The following PCDHGA6 variants were observed in gnomAD, a reference collection of about 807,000 sequenced individuals.
The protein encoded by PCDHGA6 is protocadherin gamma-A6.
PCDHGA6 carries 41 observed loss-of-function variants against 60.6 expected under a neutral mutation model. The observed-to-expected ratio is 0.68, with a 90% CI of 0.53 to 0.88. The LOEUF (loss-of-function observed/expected upper bound fraction) is 0.88. Ranked by LOEUF, PCDHGA6 falls within the 40% of genes least tolerant of loss-of-function variation. PCDHGA6 has a pLI of 0.00. For synonymous variants in PCDHGA6, 594 were observed against 524.4 expected, an observed-to-expected ratio of 1.13 and a Z score of -1.81; for missense variants, 1,312 against 1,203.0, an observed-to-expected ratio of 1.09 and a Z score of -1.34.
chr5:141,400,621 A>G (rs1361532935), intron 1 of PCDHGA6: 1 of 1,521,426 alleles, frequency 6.6e-7, no homozygotes, highest in Non-Finnish European at 9.0e-7. Flanking sequence ...GAGTTGTCTT[A>G]GGGAAGTCAG....
At chr5:141,509,872 G>A (rs968745661) in intron 3 of PCDHGA6, among the ~76,000 whole-genome samples, 1 of 152,166 alleles carries the variant, frequency 6.6e-6, no homozygotes, top group Non-Finnish European at 1.5e-5. Context: ...CCAAGCTGCT[G>A]GTGGTGATGG....
intron 1 of PCDHGA6, chr5:141,421,282 A>G (rs762064258): frequency 7.4e-6 from 12 of 1,613,034 alleles, no homozygotes; most frequent in Non-Finnish European, 1.0e-5. Context: ...GCTGCTGTGC[A>G]TTTTCCTGGG....
intron 1 of PCDHGA6, chr5:141,393,430 C>A: frequency 6.2e-7 from 1 of 1,614,040 alleles, no homozygotes. Flanking sequence ...GAGGAAGAGG[C>A]TGCTCACCAC....
In PCDHGA6 at chr5:141,485,935, C is replaced by T. The variant is rs2099621642; in HGVS notation, c.2425-8872C>T. The T allele has an allele frequency of 6.2e-7, 1 of 1,614,026 alleles. No homozygotes were observed. Among genetic ancestry groups the T allele is most frequent in the Non-Finnish European group, 8.5e-7 (1 of 1,180,038 alleles). On this transcript the variant is annotated intron_variant, in intron 1 of 3. Coordinates refer to ENST00000517434, the MANE Select transcript of PCDHGA6 (RefSeq NM_018919.3). The surrounding 1 kb of genome is among the most constrained non-coding windows in gnomAD (Gnocchi z 5.7). Reference sequence around the variant, plus strand: ...GCTACAGGATTAGTGTGTTGGAGAGCGCACCAGCGGGCATGGTGCTCATCC... The same window carrying T: ...GCTACAGGATTAGTGTGTTGGAGAGTGCACCAGCGGGCATGGTGCTCATCC...
chr5:141,424,294 C>G (rs1260250688), intron 1 of PCDHGA6: 1 of 152,470 alleles, frequency 6.6e-6, no homozygotes, highest in Non-Finnish European at 1.5e-5. Context: ...ATTTCTTCAT[C>G]CTATCAACAC....
Position 141,467,771 on chromosome 5 carries a change from A to G in PCDHGA6, c.2425-27036A>G, listed in dbSNP as rs542500016. Among the ~76,000 whole-genome samples, 11 of 151,422 alleles carry G rather than the reference A, an allele frequency of 7.3e-5. No individual in the cohort carries two copies. The South Asian group carries it at 2.3e-3, about 32-fold the overall frequency. On this transcript the variant is annotated intron_variant, in intron 1 of 3. Transcript: ENST00000517434. Reference sequence around the variant, plus strand: ...CCGCCTCACATGCTCAAGTGCCCGCACCTCAGCCTCTCAAGTAGCTGGGAC... The same window carrying G: ...CCGCCTCACATGCTCAAGTGCCCGCGCCTCAGCCTCTCAAGTAGCTGGGAC...
chr5:141,435,026 C>A (rs977017371), intron 1 of PCDHGA6, among the ~76,000 whole-genome samples: 4 of 151,978 alleles, frequency 2.6e-5, no homozygotes, highest in Non-Finnish European at 5.9e-5. Context: ...GCTCTTTTCC[C>A]ACTTTTATTT....
At chr5:141,492,449 T>C (rs1045043841) in intron 1 of PCDHGA6, among the ~76,000 whole-genome samples, 50 of 152,314 alleles carry the variant, frequency 3.3e-4, no homozygotes, top group African/African-American at 1.2e-3. Flanking sequence ...TAGCTGATTG[T>C]GCGCGCCTGA....
chr5:141,451,134 T>A (rs567790185), intron 1 of PCDHGA6, among the ~76,000 whole-genome samples: 1 of 152,254 alleles, frequency 6.6e-6, no homozygotes, highest in South Asian at 2.1e-4. Context: ...AGCCTTATGA[T>A]TGTATTTAGA....
intron 2 of PCDHGA6, among the ~76,000 whole-genome samples, chr5:141,498,421 A>C (rs1328848787): frequency 6.6e-6 from 1 of 152,016 alleles, no homozygotes; most frequent in Non-Finnish European, 1.5e-5. Flanking sequence ...CTGGCACTGG[A>C]GTGAGGGGAT....
chr5:141,435,181 T>C (rs1249878603), intron 1 of PCDHGA6, among the ~76,000 whole-genome samples: 1 of 152,184 alleles, frequency 6.6e-6, no homozygotes, highest in African/African-American at 2.4e-5. Context: ...TTAACTACAC[T>C]TGAGATGGCT....
intron 1 of PCDHGA6, chr5:141,389,352 A>G (rs758141313): frequency 7.4e-6 from 12 of 1,613,628 alleles, no homozygotes; most frequent in Admixed American, 1.7e-5. Flanking sequence ...TTACTGCATC[A>G]TGGCCAGTGA....
chr5:141,476,416 A>C lies in PCDHGA6; in HGVS notation c.2425-18391A>C, dbSNP rs2099391138. On this transcript the variant is annotated intron_variant, in intron 1 of 3. Coordinates refer to ENST00000517434, the MANE Select transcript of PCDHGA6 (RefSeq NM_018919.3). The surrounding 1 kb of genome is among the most constrained non-coding windows in gnomAD (Gnocchi z 7.6). ...TGGATCGAGAGGAGCTGTGTGGGACACTGCCCTCTTGCACTGTAACTCTGG... is the reference window on the plus strand; with the variant it reads ...TGGATCGAGAGGAGCTGTGTGGGACCCTGCCCTCTTGCACTGTAACTCTGG... 6.2e-7 allele frequency: 1 copy of C among 1,614,056 alleles called. No homozygotes were observed. The highest frequency in any genetic ancestry group is 8.5e-7 in the Non-Finnish European group (1 of 1,179,994).
chr5:141,490,726 AATCAGG>A lies in PCDHGA6; in HGVS notation c.2425-4080_2425-4075del. The A allele has an allele frequency of 6.2e-7, 1 of 1,614,202 alleles. No homozygotes were observed. The highest frequency in any genetic ancestry group is 8.5e-7 in the Non-Finnish European group (1 of 1,180,032). On this transcript the variant is annotated intron_variant, in intron 1 of 3. Transcript: ENST00000517434. This position sits in a 1 kb window ranked among gnomAD's most constrained non-coding sequence, Gnocchi z 5.4. Reference sequence around the variant, plus strand: ...CCGCCTCACCTACTCCATTGTAGGAAATCAGGTTCAGGGAGCCCCAGCCTCCTCCTT... The same window carrying A: ...CCGCCTCACCTACTCCATTGTAGGAATTCAGGGAGCCCCAGCCTCCTCCTT...
At chr5:141,413,528 T>C in intron 1 of PCDHGA6, 1 of 1,613,834 alleles carries the variant, frequency 6.2e-7, no homozygotes, top group Non-Finnish European at 8.5e-7. Context: ...GAAGACAGGG[T>C]GAAACTTTTT....
chr5:141,423,805 G>GT (rs1384575574), intron 1 of PCDHGA6: 44 of 1,261,806 alleles, frequency 3.5e-5, no homozygotes, highest in South Asian at 8.9e-5. Context: ...AGCAATACAT[G>GT]TGAGTTTTAC....
intron 1 of PCDHGA6, chr5:141,413,265 T>A (rs1301684620): frequency 6.2e-7 from 1 of 1,613,840 alleles, no homozygotes; most frequent in African/African-American, 1.3e-5. Context: ...CATGGGAGGC[T>A]GGAGCCCGGC....
chr5:141,482,601 A>T (rs1158399317), intron 1 of PCDHGA6, among the ~76,000 whole-genome samples: 1 of 152,002 alleles, frequency 6.6e-6, no homozygotes, highest in Non-Finnish European at 1.5e-5. Flanking sequence ...ACGGGAAAAA[A>T]CACCTAAATG....
intron 1 of PCDHGA6, chr5:141,412,314 A>G (rs913648948): frequency 6.6e-6 from 1 of 152,240 alleles, no homozygotes; most frequent in African/African-American, 2.4e-5. Flanking sequence ...CAATGCAAAC[A>G]GTTTAATTTG....
Sources: allele counts gnomAD v4.1 joint callset (sites outside exome capture counted in the v4.1 genomes callset), GRCh38; gene constraint gnomAD v4.1.1; non-coding constraint Gnocchi (gnomAD v3.1); transcripts MANE v1.5; gene names NCBI Gene and HGNC (gene_info 2026-07-23, HGNC 2026-07-21).